BCR: variants seen among roughly 807,000 people sequenced by gnomAD.
BCR encodes breakpoint cluster region protein.
In BCR, 58 loss-of-function variants were observed where a neutral mutation model predicts 138.6. The observed-to-expected ratio is 0.42, with a 90% CI of 0.34 to 0.52. BCR has a LOEUF of 0.52. BCR is among the 20% of genes least tolerant of loss of function. The probability of loss-of-function intolerance (pLI) is 0.06; values close to 1 mark genes in which losing one functional copy is unlikely to be tolerated. For missense variants in BCR, 1,599 were observed against 1,727.2 expected (o/e 0.93, Z 1.32); for synonymous variants, 786 against 730.1 (o/e 1.08, Z -1.23).
intron 1 of BCR, chr22:23,216,966 C>T (rs1568938223): frequency 2.4e-6 from 1 of 422,558 alleles, no homozygotes; most frequent in Non-Finnish European, 4.7e-6. Context: ...TGTCGCAAGT[C>T]TTGCCCAGAT....
At chr22:23,226,035 C>A (rs2072888444) in intron 1 of BCR, among the ~76,000 whole-genome samples, 1 of 152,222 alleles carries the variant, frequency 6.6e-6, no homozygotes, top group South Asian at 2.1e-4. Context: ...GGCGCCCTTT[C>A]TTTGGGACCT....
intron 16 of BCR, among the ~76,000 whole-genome samples, chr22:23,298,584 C>G (rs1224716319): frequency 6.6e-6 from 1 of 151,630 alleles, no homozygotes; most frequent in Non-Finnish European, 1.5e-5. Flanking sequence ...TTTCCTTTTT[C>G]CTTTTTCCTT....
At chr22:23,183,924 C>T (rs541959093) in intron 1 of BCR, among the ~76,000 whole-genome samples, 1 of 152,276 alleles carries the variant, frequency 6.6e-6, no homozygotes, top group African/African-American at 2.4e-5. Flanking sequence ...GGATGGAAAG[C>T]CCAGTGCCTT....
intron 1 of BCR, among the ~76,000 whole-genome samples, chr22:23,223,270 T>C (rs1043433851): frequency 6.6e-6 from 1 of 151,950 alleles, no homozygotes; most frequent in African/African-American, 2.4e-5. Flanking sequence ...CTAAGGGAAT[T>C]GGGGTGTGAG....
intron 1 of BCR, chr22:23,198,529 C>G: frequency 4.2e-6 from 1 of 236,814 alleles, no homozygotes; most frequent in South Asian, 3.9e-5. Flanking sequence ...GCTTTGAAGG[C>G]ATTTTCCTGG....
intron 1 of BCR, among the ~76,000 whole-genome samples, chr22:23,184,763 C>CT (rs1461939967): frequency 2.6e-5 from 4 of 152,082 alleles, no homozygotes; most frequent in African/African-American, 9.7e-5. Flanking sequence ...GACACTCTGC[C>CT]TAGCAGTTTC....
At chr22:23,217,032 A>G (rs1262215235) in intron 1 of BCR, 7 of 452,282 alleles carry the variant, frequency 1.5e-5, no homozygotes, top group Non-Finnish European at 2.2e-5. Context: ...CAGCAGTGTC[A>G]TGTGGACACA....
chr22:23,280,998 GAC>G (rs768130671), intron 8 of BCR, among the ~76,000 whole-genome samples: 3 of 152,258 alleles, frequency 2.0e-5, no homozygotes, highest in South Asian at 2.1e-4. Flanking sequence ...CACACAGTGA[GAC>G]ACACGGGCAC....
rs139479323 is a variant in BCR, at chr22:23,237,715, G to A, written c.1280-16084G>A. On this transcript the variant is annotated intron_variant, in intron 1 of 22. Transcript: ENST00000305877. ...GCTTTGGGCTGCTGAGACGGGCGGCGTGAAGGCCGGCTTCCAGAGCCCTGG... is the reference window on the plus strand; with the variant it reads ...GCTTTGGGCTGCTGAGACGGGCGGCATGAAGGCCGGCTTCCAGAGCCCTGG... Among the ~76,000 whole-genome samples, 515 of 152,346 alleles carry A rather than the reference G, an allele frequency of 3.4e-3. 1 individual carries two copies. The highest frequency in any genetic ancestry group is 0.012 in the African/African-American group (496 of 41,584).
chr22:23,259,517 A>ATTTTTT (rs1245128304), intron 2 of BCR, among the ~76,000 whole-genome samples: 3 of 141,210 alleles, frequency 2.1e-5, no homozygotes, highest in African/African-American at 7.8e-5. Context: ...CAAAAAAAAA[A>ATTTTTT]TTTTTTTTTT....
rs996139532 is a variant in BCR, at chr22:23,296,373, CAAAAAA to C, written c.3012+1236_3012+1241del. Among the ~76,000 whole-genome samples the C allele has an allele frequency of 3.0e-4, 17 of 56,696 alleles. No individual in the cohort carries two copies. The East Asian group carries it at 7.9e-3, about 26-fold the overall frequency. 37.2% of individuals were successfully genotyped at this position (56,696 alleles called of 152,430 possible). A position where few individuals can be genotyped will look rare whatever the true frequency, so the allele number is the denominator to read the frequency against. ...TGGGTGACAGAGCGAGAGTCCGTCTCAAAAAAAAAAAAAAAAAAAAAAATACCAAGT... is the reference window on the plus strand; with the variant it reads ...TGGGTGACAGAGCGAGAGTCCGTCTCAAAAAAAAAAAAAAAAATACCAAGT... On this transcript the variant is annotated intron_variant, in intron 16 of 22. Coordinates refer to ENST00000305877, the MANE Select transcript of BCR (RefSeq NM_004327.4).
At chr22:23,255,282 C>T (rs996842458) in intron 2 of BCR, among the ~76,000 whole-genome samples, 7 of 152,138 alleles carry the variant, frequency 4.6e-5, no homozygotes, top group African/African-American at 1.7e-4. Flanking sequence ...GTACCTGCTC[C>T]GTGCAGCACA....
At chr22:23,238,401 C>A (rs563813194) in intron 1 of BCR, among the ~76,000 whole-genome samples, 7 of 152,166 alleles carry the variant, frequency 4.6e-5, no homozygotes, top group African/African-American at 1.7e-4. Context: ...TGACATCTGC[C>A]CACACCTGGA....
chr22:23,198,435 G>A, intron 1 of BCR: 1 of 418,620 alleles, frequency 2.4e-6, no homozygotes, highest in Non-Finnish European at 4.6e-6. Flanking sequence ...CCCAAAGAGA[G>A]GTGGCTGGGT....
intron 8 of BCR, among the ~76,000 whole-genome samples, chr22:23,276,273 C>T (rs1210090642): frequency 1.3e-5 from 2 of 152,046 alleles, no homozygotes; most frequent in Non-Finnish European, 2.9e-5. Context: ...GTGGTGGGCA[C>T]CTGTAGTCCC....
intron 1 of BCR, among the ~76,000 whole-genome samples, chr22:23,213,934 A>C (rs772516421): frequency 6.6e-6 from 1 of 152,076 alleles, no homozygotes; most frequent in Non-Finnish European, 1.5e-5. Flanking sequence ...ATTATGTTGA[A>C]ATTTGGGGAA....
chr22:23,271,431 T>A, intron 5 of BCR, 101 bp from the exon 6 acceptor site: 1 of 1,201,658 alleles, frequency 8.3e-7, no homozygotes, highest in Non-Finnish European at 1.2e-6. Context: ...CTGGGGTTTG[T>A]TGTAGTGAGG....
In BCR at chr22:23,180,812, A is replaced by C. The variant is rs1175373612; in HGVS notation, c.-149A>C. ...GCCCCGCTCCGCCTCACCTGCCACC[A>C]GGGAGTGGGCGGGCATTGTTCGCCG... On this transcript the variant is annotated 5_prime_UTR_variant, in exon 1 of 23. Coordinates refer to ENST00000305877, the MANE Select transcript of BCR (RefSeq NM_004327.4). The C allele has an allele frequency of 1.1e-5, 3 of 272,098 alleles. No homozygotes were observed. The highest frequency in any genetic ancestry group is 6.8e-5 in the Admixed American group (1 of 14,628). The allele number at this position is 272,098 out of a possible 1,614,324, so 16.9% of individuals were successfully genotyped here.
At chr22:23,215,530 G>GC (rs2072741669) in intron 1 of BCR, among the ~76,000 whole-genome samples, 1 of 152,224 alleles carries the variant, frequency 6.6e-6, no homozygotes, top group Admixed American at 6.5e-5. Context: ...CACCTTCTCT[G>GC]CCAAGGGAGC....
Sources: gnomAD v4.1 joint callset for allele counts (sites outside exome capture counted in the v4.1 genomes callset) on GRCh38, gnomAD v4.1.1 for gene constraint, MANE v1.5 for transcripts, NCBI Gene and HGNC (gene_info 2026-07-23, HGNC 2026-07-21) for gene names.